BMPR1B: variants seen among roughly 807,000 people sequenced by gnomAD.
The protein encoded by BMPR1B is bone morphogenetic protein receptor type-1B.
A neutral mutation model predicts 59.1 loss-of-function variants in BMPR1B; 12 were observed. The ratio of observed to expected loss-of-function variants is 0.20; its 90% CI spans 0.13 to 0.33. BMPR1B has a LOEUF of 0.33. Among genes scored for constraint, BMPR1B ranks in the 10% least tolerant of loss-of-function variants. The pLI, the probability that BMPR1B is intolerant of heterozygous loss-of-function variation, is 1.00. For synonymous variants in BMPR1B, 237 were observed against 207.3 expected (o/e 1.14, Z -1.23); for missense variants, 550 against 610.9 (o/e 0.90, Z 1.05).
chr4:94,864,823 A>G (rs1428722251), intron 1 of BMPR1B, among the ~76,000 whole-genome samples: 1 of 152,078 alleles, frequency 6.6e-6, no homozygotes, highest in Non-Finnish European at 1.5e-5. Flanking sequence ...TTCCTTTAAA[A>G]AAAATTTTCA....
At chr4:94,981,657 G>A (rs115998697) in intron 2 of BMPR1B, among the ~76,000 whole-genome samples, 6,604 of 152,248 alleles carry the variant, frequency 0.043, 203 homozygotes, top group Non-Finnish European at 0.07. Flanking sequence ...CTAAGACTTG[G>A]AAAATGTAAC....
intron 10 of BMPR1B, among the ~76,000 whole-genome samples, chr4:95,142,288 A>G (rs1043674840): frequency 2.6e-5 from 4 of 152,162 alleles, no homozygotes; most frequent in African/African-American, 7.2e-5. Context: ...CCCTTCTTCC[A>G]TAGACTCTTG....
chr4:94,802,410 T>C (rs1393910080), intron 1 of BMPR1B, among the ~76,000 whole-genome samples: 1 of 152,150 alleles, frequency 6.6e-6, no homozygotes, highest in Non-Finnish European at 1.5e-5. Context: ...GGGATCTTTG[T>C]CATCCCAGGA....
At chr4:94,972,749 A>C (rs1730860769) in intron 2 of BMPR1B, among the ~76,000 whole-genome samples, 1 of 152,144 alleles carries the variant, frequency 6.6e-6, no homozygotes, top group African/African-American at 2.4e-5. Context: ...TGGATTTGTA[A>C]CTTTATGCTA....
At chr4:95,021,720 A>G (rs926598890) in intron 3 of BMPR1B, among the ~76,000 whole-genome samples, 7 of 152,230 alleles carry the variant, frequency 4.6e-5, no homozygotes, top group African/African-American at 9.6e-5. Context: ...TATAAGTCAT[A>G]TGTGAAATAT....
chr4:94,831,242 A>AC (rs775319826), intron 1 of BMPR1B, among the ~76,000 whole-genome samples: 18,083 of 151,632 alleles, frequency 0.12, 1,204 homozygotes, highest in Non-Finnish European at 0.13. Context: ...GTAAAAAAAA[A>AC]AAAAAAAAAC....
At chr4:95,115,890 C>T in intron 6 of BMPR1B, 103 bp downstream of exon 6, 1 of 1,061,240 alleles carries the variant, frequency 9.4e-7, no homozygotes, top group Non-Finnish European at 1.4e-6. Context: ...CCACTTTCCA[C>T]TGCTGGAGCA....
intron 1 of BMPR1B, among the ~76,000 whole-genome samples, chr4:94,762,145 C>T (rs982126106): frequency 1.3e-5 from 2 of 152,138 alleles, no homozygotes; most frequent in African/African-American, 2.4e-5. Context: ...CACTTACATG[C>T]CAATATTCTA....
chr4:95,071,652 G>GTGTATATA (rs59539011), intron 3 of BMPR1B, among the ~76,000 whole-genome samples: 27 of 84,328 alleles, frequency 3.2e-4, no homozygotes, highest in South Asian at 1.4e-3. Flanking sequence ...GTGTGTGTGT[G>GTGTATATA]TATATATATA....
chr4:94,827,164 T>G (rs1382007570), intron 1 of BMPR1B, among the ~76,000 whole-genome samples: 1 of 152,138 alleles, frequency 6.6e-6, no homozygotes, highest in Non-Finnish European at 1.5e-5. Context: ...CTGGTTGAGT[T>G]AGTTGAGGCT....
intron 3 of BMPR1B, among the ~76,000 whole-genome samples, chr4:95,063,509 A>G (rs932721685): frequency 6.6e-6 from 1 of 152,184 alleles, no homozygotes; most frequent in Non-Finnish European, 1.5e-5. Context: ...GCTCGAGGTC[A>G]CAGAGTTAAT....
chr4:94,955,219 A>C (rs1243849974), intron 2 of BMPR1B, among the ~76,000 whole-genome samples: 1 of 152,224 alleles, frequency 6.6e-6, no homozygotes, highest in Non-Finnish European at 1.5e-5. Context: ...ACTGCTCTGA[A>C]GAGAGTTGCT....
chr4:95,116,079 T>C (rs1183096846), intron 6 of BMPR1B, among the ~76,000 whole-genome samples: 1 of 152,178 alleles, frequency 6.6e-6, no homozygotes, highest in Non-Finnish European at 1.5e-5. Flanking sequence ...GCTAGCACTC[T>C]GCTTCTCCCT....
chr4:94,786,263 A>C (rs1282127778), intron 1 of BMPR1B, among the ~76,000 whole-genome samples: 4 of 152,192 alleles, frequency 2.6e-5, no homozygotes, highest in Non-Finnish European at 5.9e-5. Flanking sequence ...TAGCAAGGGC[A>C]TATGGAAATG....
chr4:94,817,535 C>T (rs541296459), intron 1 of BMPR1B, among the ~76,000 whole-genome samples: 1 of 151,446 alleles, frequency 6.6e-6, no homozygotes, highest in African/African-American at 2.4e-5. Context: ...TCTTGGTCTG[C>T]GAAATGGGAA....
intron 2 of BMPR1B, among the ~76,000 whole-genome samples, chr4:94,895,139 T>G (rs570418860): frequency 1.3e-5 from 2 of 152,150 alleles, no homozygotes; most frequent in South Asian, 4.1e-4. Flanking sequence ...AATTCTTTTT[T>G]CTGCTTGATT....
At chr4:94,781,055 T>A (rs1722572006) in intron 1 of BMPR1B, among the ~76,000 whole-genome samples, 1 of 152,156 alleles carries the variant, frequency 6.6e-6, no homozygotes, top group Non-Finnish European at 1.5e-5. Flanking sequence ...TGGCATTGAT[T>A]TGCATCTTTC....
chr4:95,086,043 T>C (rs1323155910), intron 3 of BMPR1B, among the ~76,000 whole-genome samples: 8 of 151,862 alleles, frequency 5.3e-5, no homozygotes, highest in Non-Finnish European at 8.8e-5. Context: ...ATACAAAATC[T>C]TTTGAATGAA....
intron 7 of BMPR1B, among the ~76,000 whole-genome samples, chr4:95,124,418 T>C (rs1486840267): frequency 6.6e-6 from 1 of 152,124 alleles, no homozygotes; most frequent in African/African-American, 2.4e-5. Flanking sequence ...GATATTTATG[T>C]CATTTGCCTT....
Sources: gnomAD v4.1 joint callset for allele counts (sites outside exome capture counted in the v4.1 genomes callset) on GRCh38, gnomAD v4.1.1 for gene constraint, MANE v1.5 for transcripts, NCBI Gene and HGNC (gene_info 2026-07-23, HGNC 2026-07-21) for gene names.